Variants in KIF27 observed in about 807,000 individuals in gnomAD.
The protein encoded by KIF27 is kinesin-like protein KIF27.
Under a neutral mutation model 141.8 loss-of-function variants are expected in KIF27, and 84 were observed. That is an observed-to-expected ratio of 0.59 (90% CI 0.50 to 0.71). The LOEUF (loss-of-function observed/expected upper bound fraction) is 0.71, where lower values mean the gene tolerates loss of function less well. Among genes scored for constraint, KIF27 ranks in the 30% least tolerant of loss-of-function variants. The pLI is 0.00. For synonymous variants in KIF27, 471 were observed against 569.5 expected (o/e 0.83, Z 2.46); for missense variants, 1,306 against 1,628.4 (o/e 0.80, Z 3.41).
chr9:83,883,477 A>T (rs57957686), intron 10 of KIF27, among the ~76,000 whole-genome samples: 20,357 of 152,244 alleles, frequency 0.13, 1,447 homozygotes, highest in African/African-American at 0.14. Flanking sequence ...TTGAGTGTCT[A>T]CAAAGTGTCA....
chr9:83,888,284 T>C (rs1359868092), intron 8 of KIF27, among the ~76,000 whole-genome samples: 1 of 151,918 alleles, frequency 6.6e-6, no homozygotes, highest in Admixed American at 6.6e-5. Flanking sequence ...CTATAATTAA[T>C]TGATAGAAAA....
At chr9:83,852,359 A>G (rs1380795300) in intron 15 of KIF27, among the ~76,000 whole-genome samples, 2 of 151,616 alleles carry the variant, frequency 1.3e-5, no homozygotes, top group African/African-American at 4.9e-5. Flanking sequence ...AGGCTGAGGC[A>G]GGAGAATGGC....
intron 16 of KIF27, among the ~76,000 whole-genome samples, chr9:83,845,038 G>A (rs1403166060): frequency 5.9e-5 from 9 of 152,176 alleles, no homozygotes; most frequent in Non-Finnish European, 1.2e-4. Context: ...TGTGCAAGCT[G>A]CTCTGCCACT....
At position 83,899,747 on chromosome 9, in the gene KIF27, G is replaced by A. The variant is rs1953663971; in HGVS notation, c.1516C>T (p.Leu506=). 6.2e-7 allele frequency: 1 copy of A among 1,613,506 alleles called. No individual in the cohort carries two copies. ...FNQKELEVKE[L]KNQVQMMVQE... ...ACCATCATCTGCACTTGATTCTTCA[G>A]TTCCTTCACCTCCAGTTCCTTCTGA... The change falls in exon 5 of 18, where the codon CTG becomes TTG. Residue 506 remains leucine, a synonymous_variant. Transcript: ENST00000297814.
In KIF27 at chr9:83,859,302, T is replaced by C. The variant is rs760518358; in HGVS notation, c.3004A>G (p.Asn1002Asp). The C allele has an allele frequency of 1.2e-6, 2 of 1,614,178 alleles. No homozygotes were observed. Among genetic ancestry groups the C allele is most frequent in the Admixed American group, 3.3e-5 (2 of 60,022 alleles). The part of the protein sequence containing the change: ...NLLEQELSEK[N>D]VQLQTSTAEE... ...GCTGTACTGGTCTGGAGCTGCACAT[T>C]CTTTTCAGACAACTCTTGTTCCAGT... Residue 1002 changes from asparagine (N) to aspartate (D), a missense_variant, in exon 14 of 18, where the codon AAT (asparagine) becomes GAT (aspartate). Transcript: ENST00000297814.
At position 83,915,315 on chromosome 9, in the gene KIF27, TG is replaced by T. The variant is rs1955580920; in HGVS notation, c.276del (p.Tyr92Ter). 6.2e-7 allele frequency: 1 copy of T among 1,611,448 alleles called. No individual in the cohort carries two copies. The highest frequency in any genetic ancestry group is 1.3e-5 in the African/African-American group (1 of 74,816). ...AYGQTGSGKT[Y>X]TIGGGHIASV... ...TTACCAATATGGCCCCCTCCAATGG[TG>T]TATGTCTTCCCAGATCCAGTTTGTC... is the stretch of plus-strand genomic sequence containing the variant. On this transcript the variant is annotated frameshift_variant, in exon 2 of 18. Coordinates refer to ENST00000297814, the MANE Select transcript of KIF27 (RefSeq NM_017576.4). LOFTEE classifies it high-confidence loss of function.
At chr9:83,852,274 G>A (rs1219576461) in intron 15 of KIF27, among the ~76,000 whole-genome samples, 9 of 143,304 alleles carry the variant, frequency 6.3e-5, no homozygotes, top group Non-Finnish European at 1.2e-4. Flanking sequence ...GTAAAACCCC[G>A]TCTCTACTAA....
Position 83,903,601 on chromosome 9 carries a change from A to G in KIF27, c.917T>C (p.Leu306Pro), listed in dbSNP as rs142339049. The G allele has an allele frequency of 6.2e-7, 1 of 1,614,202 alleles. No individual in the cohort carries two copies. The highest frequency in any genetic ancestry group is 8.5e-7 in the Non-Finnish European group (1 of 1,180,036). Reference protein sequence around the residue: ...AKITRLLKDSLGGSAKTVMIT... With the variant: ...AKITRLLKDSPGGSAKTVMIT... Reference sequence around the variant, plus strand: ...CATGACAGTCTTAGCACTGCCTCCCAGAGAATCTTTCAGAAGCCGGGTAAT... The same window carrying G: ...CATGACAGTCTTAGCACTGCCTCCCGGAGAATCTTTCAGAAGCCGGGTAAT... Residue 306 changes from leucine to proline, a missense_variant, in exon 4 of 18, where the codon CTG becomes CCG. Physicochemically the swap from Leu to Pro is moderately conservative, Grantham distance 98 (BLOSUM62 -3). Transcript: ENST00000297814.
intron 12 of KIF27, among the ~76,000 whole-genome samples, chr9:83,869,301 T>C (rs1219564112): frequency 2.0e-5 from 3 of 152,152 alleles, no homozygotes; most frequent in Non-Finnish European, 4.4e-5. Context: ...ATTTAAAATT[T>C]CAATTTCTTT....
chr9:83,883,008 C>T (rs565769286), intron 10 of KIF27, among the ~76,000 whole-genome samples: 1 of 152,094 alleles, frequency 6.6e-6, no homozygotes, highest in African/African-American at 2.4e-5. Context: ...TTACAATATA[C>T]CGGGCACACC....
At chr9:83,844,371 T>TATTTATATAG (rs1946984489) in intron 16 of KIF27, among the ~76,000 whole-genome samples, 1 of 151,814 alleles carries the variant, frequency 6.6e-6, no homozygotes, top group African/African-American at 2.4e-5. Context: ...TATCTATATC[T>TATTTATATAG]ATATATCTCC....
intron 16 of KIF27, among the ~76,000 whole-genome samples, chr9:83,844,115 C>T (rs1331024790): frequency 6.6e-6 from 1 of 152,006 alleles, no homozygotes; most frequent in South Asian, 2.1e-4. Flanking sequence ...CAGAAAAAGG[C>T]GAGACTGACC....
At chr9:83,910,054 A>AATAC (rs10616573) in intron 2 of KIF27, among the ~76,000 whole-genome samples, 2,639 of 148,354 alleles carry the variant, frequency 0.018, 25 homozygotes, top group Admixed American at 0.022. Context: ...CCTTTCTCTA[A>AATAC]ATACATACAT....
chr9:83,920,776 C>T (rs1218638590), intron 1 of KIF27, among the ~76,000 whole-genome samples: 1 of 152,088 alleles, frequency 6.6e-6, no homozygotes, highest in Non-Finnish European at 1.5e-5. Context: ...TAGTCACCTG[C>T]CTCCGAGGGA....
intron 14 of KIF27, among the ~76,000 whole-genome samples, chr9:83,854,784 T>G (rs542785102): frequency 1.1e-4 from 17 of 152,314 alleles, no homozygotes; most frequent in Non-Finnish European, 2.4e-4. Context: ...TTGGTGAGAT[T>G]TGGATATATG....
At chr9:83,912,225 G>A (rs186312051) in intron 2 of KIF27, among the ~76,000 whole-genome samples, 2 of 152,302 alleles carry the variant, frequency 1.3e-5, no homozygotes, top group Non-Finnish European at 2.9e-5. Flanking sequence ...GCAACAAAGA[G>A]TTGACTTACA....
intron 11 of KIF27, among the ~76,000 whole-genome samples, chr9:83,878,612 A>C (rs1383343034): frequency 6.6e-6 from 1 of 152,200 alleles, no homozygotes; most frequent in Non-Finnish European, 1.5e-5. Flanking sequence ...AATGTAGACA[A>C]ACCTTGAAAA....
chr9:83,842,212 A>G, intron 17 of KIF27, 25 bp downstream of exon 17: 6 of 1,514,022 alleles, frequency 4.0e-6, no homozygotes, highest in Non-Finnish European at 5.3e-6. Flanking sequence ...AACAGTGTTA[A>G]GAGTGACAAC....
At chr9:83,881,723 A>C (rs1951692660) in intron 10 of KIF27, among the ~76,000 whole-genome samples, 1 of 152,258 alleles carries the variant, frequency 6.6e-6, no homozygotes, top group South Asian at 2.1e-4. Context: ...AAATTTGGAC[A>C]CTGGCTTTGC....
Sources: gnomAD v4.1 joint callset for allele counts (sites outside exome capture counted in the v4.1 genomes callset) on GRCh38, gnomAD v4.1.1 for gene constraint, MANE v1.5 for transcripts, NCBI Gene and HGNC (gene_info 2026-07-23, HGNC 2026-07-21) for gene names.